Variants in NMBR observed in about 807,000 individuals in gnomAD.
NMBR encodes neuromedin-B receptor.
In NMBR, 16 loss-of-function variants were observed where a neutral mutation model predicts 20.5. The observed-to-expected ratio is 0.78, with a 90% CI of 0.53 to 1.19. The LOEUF (loss-of-function observed/expected upper bound fraction) is 1.19. NMBR is among the 50% of genes most tolerant of loss of function. NMBR has a pLI of 0.00. For synonymous variants in NMBR, 212 were observed against 196.6 expected (o/e 1.08, Z -0.65); for missense variants, 582 against 499.1 (o/e 1.17, Z -1.58).
At chr6:142,099,774 G>A (rs950909053) in intron 1 of NMBR, among the ~76,000 whole-genome samples, 1 of 152,112 alleles carries the variant, frequency 6.6e-6, no homozygotes, top group African/African-American at 2.4e-5. Context: ...GCAGGCTAAA[G>A]ACTAGGATTT....
At chr6:142,079,003 AG>A (rs1777023003) in intron 2 of NMBR, 100 bp from the exon 3 acceptor site, 2 of 684,110 alleles carry the variant, frequency 2.9e-6, no homozygotes, top group Non-Finnish European at 4.6e-6. Flanking sequence ...GGAGAGAGAG[AG>A]AAAGGAAGAA....
chr6:142,120,647 A>G (rs1777930131), intron 1 of NMBR, among the ~76,000 whole-genome samples: 1 of 151,974 alleles, frequency 6.6e-6, no homozygotes, highest in Non-Finnish European at 1.5e-5. Flanking sequence ...GTAATGCAAG[A>G]TCTATCCTGT....
chr6:142,076,868 T>A (rs550003230), intron 3 of NMBR, among the ~76,000 whole-genome samples: 6 of 152,334 alleles, frequency 3.9e-5, no homozygotes, highest in Middle Eastern at 3.4e-3. Context: ...GGTATCATAA[T>A]ATTTTCTGAG....
chr6:142,097,125 C>T (rs1037286819), intron 1 of NMBR, among the ~76,000 whole-genome samples: 2 of 152,004 alleles, frequency 1.3e-5, no homozygotes, highest in African/African-American at 4.8e-5. Flanking sequence ...ACTCTTTATC[C>T]AATTTGCCAG....
At chr6:142,087,338 C>T (rs1207038455) in intron 2 of NMBR, among the ~76,000 whole-genome samples, 1 of 152,186 alleles carries the variant, frequency 6.6e-6, no homozygotes, top group Non-Finnish European at 1.5e-5. Context: ...GTCCTCCATT[C>T]CCACCAAGGG....
intron 1 of NMBR, among the ~76,000 whole-genome samples, chr6:142,090,250 G>A (rs1777298889): frequency 6.6e-6 from 1 of 151,892 alleles, no homozygotes; most frequent in African/African-American, 2.4e-5. Flanking sequence ...GTTATTAAAG[G>A]ATAAAATTGA....
intron 2 of NMBR, among the ~76,000 whole-genome samples, chr6:142,087,688 C>A (rs1388008246): frequency 6.6e-6 from 1 of 152,076 alleles, no homozygotes; most frequent in East Asian, 1.9e-4. Flanking sequence ...AAGTCATCTG[C>A]CCAAAGAACA....
At chr6:142,133,961 T>C (rs1562247633) in intron 1 of NMBR, 6 of 702,440 alleles carry the variant, frequency 8.5e-6, no homozygotes, top group Admixed American at 2.0e-5. Flanking sequence ...GGCCTTGCAC[T>C]TCATTTGCGA....
rs981521985 is a variant in NMBR at position 142,074,555 on chromosome 6, T to C, written c.*1093A>G. On this transcript the variant is annotated 3_prime_UTR_variant, in exon 4 of 4. Coordinates refer to ENST00000258042, the MANE Select transcript of NMBR (RefSeq NM_002511.4). ...GCTTTTAAACTGTAATCAATACATT[T>C]GCATTTTCCTAAAAAAAGAAGACAT... 3.3e-5 allele frequency among the ~76,000 whole-genome samples: 5 copies of C among 152,166 alleles called. No homozygotes were observed. Among genetic ancestry groups the C allele is most frequent in the Non-Finnish European group, 7.4e-5 (5 of 68,016 alleles).
intron 1 of NMBR, among the ~76,000 whole-genome samples, chr6:142,135,456 T>C (rs1311012714): frequency 1.3e-5 from 2 of 152,074 alleles, no homozygotes; most frequent in Non-Finnish European, 2.9e-5. Context: ...AATTGAACAA[T>C]TACATTTTTA....
At chr6:142,116,308 A>T (rs1392775178) in intron 1 of NMBR, among the ~76,000 whole-genome samples, 1 of 151,848 alleles carries the variant, frequency 6.6e-6, no homozygotes, top group Non-Finnish European at 1.5e-5. Context: ...ATCGACACAA[A>T]AATACCTCTT....
chr6:142,117,717 C>T (rs982353958), intron 1 of NMBR, among the ~76,000 whole-genome samples: 4 of 151,848 alleles, frequency 2.6e-5, no homozygotes, highest in African/African-American at 2.4e-5. Flanking sequence ...TAAAGGAATG[C>T]TACATATTTC....
chr6:142,081,713 C>A (rs1449318171), intron 2 of NMBR, among the ~76,000 whole-genome samples: 1 of 152,170 alleles, frequency 6.6e-6, no homozygotes, highest in Non-Finnish European at 1.5e-5. Flanking sequence ...TTAATGTGGA[C>A]ATGTTTTATT....
At chr6:142,090,539 A>G (rs1777304150) in intron 1 of NMBR, among the ~76,000 whole-genome samples, 1 of 150,460 alleles carries the variant, frequency 6.6e-6, no homozygotes, top group African/African-American at 2.4e-5. Context: ...AGATTAGTTA[A>G]ATAGAATATT....
intron 1 of NMBR, among the ~76,000 whole-genome samples, chr6:142,110,663 A>G (rs1338047808): frequency 6.6e-6 from 1 of 152,150 alleles, no homozygotes; most frequent in Non-Finnish European, 1.5e-5. Context: ...ACAGTTGTAC[A>G]CTCTGTGAAC....
At chr6:142,134,587 T>C in intron 1 of NMBR, 1 of 649,702 alleles carries the variant, frequency 1.5e-6, no homozygotes, top group Non-Finnish European at 2.7e-6. Flanking sequence ...TTTCCACCTT[T>C]ATGCTGCATG....
chr6:142,146,567 T>A (rs775201849), intron 1 of NMBR, among the ~76,000 whole-genome samples: 1 of 151,594 alleles, frequency 6.6e-6, no homozygotes, highest in Admixed American at 6.6e-5. Flanking sequence ...TAAGACAAGA[T>A]AATAAATATG....
chr6:142,076,639 C>G (rs1776955856), intron 3 of NMBR, among the ~76,000 whole-genome samples: 1 of 152,098 alleles, frequency 6.6e-6, no homozygotes, highest in African/African-American at 2.4e-5. Flanking sequence ...TTTCCTTCTC[C>G]ATAAAATTTA....
intron 1 of NMBR, among the ~76,000 whole-genome samples, chr6:142,136,154 T>C (rs369287105): frequency 7.9e-5 from 12 of 152,188 alleles, no homozygotes; most frequent in South Asian, 4.1e-4. Context: ...CTCTCCAGCA[T>C]CTGTTGTTTC....
Sources: gnomAD v4.1 joint callset for allele counts (sites outside exome capture counted in the v4.1 genomes callset) on GRCh38, gnomAD v4.1.1 for gene constraint, MANE v1.5 for transcripts, NCBI Gene and HGNC (gene_info 2026-07-23, HGNC 2026-07-21) for gene names.